GMNC: variants seen among roughly 807,000 people sequenced by gnomAD.
The protein encoded by GMNC is geminin coiled-coil domain containing.
Under a neutral mutation model 33.6 loss-of-function variants are expected in GMNC, and 16 were observed. The observed-to-expected ratio is 0.48, with a 90% CI of 0.32 to 0.72. GMNC has a LOEUF of 0.72. GMNC is among the 30% of genes least tolerant of loss of function. The probability of loss-of-function intolerance (pLI) is 0.03; values close to 1 mark genes in which losing one functional copy is unlikely to be tolerated. For missense variants in GMNC, 393 were observed against 388.9 expected (o/e 1.01, Z -0.09); for synonymous variants, 156 against 147.3 (o/e 1.06, Z -0.43).
At chr3:190,847,063 A>G in the GMNC span, among the ~76,000 whole-genome samples, 1 of 152,220 alleles carries the variant, frequency 6.6e-6, no homozygotes, top group Admixed American at 6.5e-5. Context: ...ATTCATATCT[A>G]GCAAATAAAA....
At chr3:190,850,170 C>G (rs1737611582), downstream of GMNC, among the ~76,000 whole-genome samples, 1 of 152,184 alleles carries the variant, frequency 6.6e-6, no homozygotes, top group Non-Finnish European at 1.5e-5. Context: ...TAATGAAATT[C>G]TTCAGCACCA....
chr3:190,847,289 A>T, the GMNC span, among the ~76,000 whole-genome samples: 43 of 152,224 alleles, frequency 2.8e-4, no homozygotes, highest in Non-Finnish European at 5.6e-4. Context: ...TAGTTTGTAC[A>T]ATAAATTATA....
At position 190,855,183 on chromosome 3, in the gene GMNC, G is replaced by T; in HGVS notation, c.*112C>A. 1 of 1,050,570 alleles carries T rather than the reference G, an allele frequency of 9.5e-7. No homozygotes were observed. The allele number at this position is 1,050,570 out of a possible 1,614,324, so 65.1% of individuals were successfully genotyped here. On this transcript the variant is annotated 3_prime_UTR_variant, in exon 5 of 5. Coordinates refer to ENST00000442080, the MANE Select transcript of GMNC (RefSeq NM_001146686.3). ...GTAATTGAGAGTGACATTTAAAGTG[G>T]CAGGAGACAGTCTAAGCAACAGCTT...
rs1308971332 is a variant in GMNC at position 190,861,452 on chromosome 3, TATC to T, written c.4-597_4-595del. 7.3e-4 allele frequency among the ~76,000 whole-genome samples: 104 copies of T among 142,374 alleles called. No individual in the cohort carries two copies. Among genetic ancestry groups the T allele is most frequent in the South Asian group, 1.2e-3 (5 of 4,258 alleles). The allele number at this position is 142,374 out of a possible 152,430, so 93.4% of individuals were successfully genotyped here. A position where few individuals can be genotyped will look rare whatever the true frequency, so the allele number is the denominator to read the frequency against. On this transcript the variant is annotated intron_variant, in intron 1 of 4. Transcript: ENST00000442080. The surrounding 1 kb of genome is among the most constrained non-coding windows in gnomAD (Gnocchi z 5.1). ...CTATCTGTCTGTCTGTCTGTCTGCCTATCATCTATCTATCTATCTATCTATCTA... is the reference window on the plus strand; with the variant it reads ...CTATCTGTCTGTCTGTCTGTCTGCCTATCTATCTATCTATCTATCTATCTA...
chr3:190,846,956 C>A, the GMNC span, among the ~76,000 whole-genome samples: 1 of 152,158 alleles, frequency 6.6e-6, no homozygotes, highest in Non-Finnish European at 1.5e-5. Flanking sequence ...ACTGATCTCC[C>A]TCTTCCAATG....
In GMNC at chr3:190,858,974, G is replaced by T; in HGVS notation, c.221C>A (p.Ser74Ter). The T allele has an allele frequency of 6.4e-7, 1 of 1,550,456 alleles. No individual in the cohort carries two copies. Among genetic ancestry groups the T allele is most frequent in the South Asian group, 1.2e-5 (1 of 83,988 alleles). Residue 74 changes from serine (S) to a stop codon, truncating the protein, a stop_gained, in exon 3 of 5, where the codon TCA (serine) becomes TAA (stop). Coordinates refer to ENST00000442080, the MANE Select transcript of GMNC (RefSeq NM_001146686.3). LOFTEE classifies it high-confidence loss of function. ...AGAGGAAAGCTGAGCCTCTTCCCAT[G>T]AGCACAAGTCCGGAAGAGGAAAATT... ...DSNFPLPDLCSWEEAQLSSQL... is the reference protein window; with the variant it reads ...DSNFPLPDLC
At chr3:190,851,726 A>G (rs544723921), downstream of GMNC, among the ~76,000 whole-genome samples, 1 of 152,248 alleles carries the variant, frequency 6.6e-6, no homozygotes, top group African/African-American at 2.4e-5. Flanking sequence ...TACAGAATAA[A>G]TGGGTACAGA....
intron 4 of GMNC, among the ~76,000 whole-genome samples, chr3:190,857,079 G>A (rs1577911490): frequency 6.7e-6 from 1 of 148,934 alleles, no homozygotes; most frequent in South Asian, 2.2e-4. Context: ...TAGAAGTATG[G>A]AAAAGATTGA....
chr3:190,858,108 T>C (rs913818237), intron 3 of GMNC: 10 of 557,832 alleles, frequency 1.8e-5, no homozygotes, highest in Admixed American at 3.0e-5. Flanking sequence ...TGTTCATTCA[T>C]TGCAAAGCAT....
In GMNC at chr3:190,862,393, GAGAA is replaced by G. The variant is rs1353197686; in HGVS notation, c.3+216_3+219del. 6.8e-6 allele frequency among the ~76,000 whole-genome samples: 1 copy of G among 146,950 alleles called. No individual in the cohort carries two copies. The highest frequency in any genetic ancestry group is 2.5e-5 in the African/African-American group (1 of 39,340). ...GAGAGAGGGCGAGAGAGAGAAAGGAGAGAAAGAAGAGGGAGAGAGGGAGAGAAAG... is the reference window on the plus strand; with the variant it reads ...GAGAGAGGGCGAGAGAGAGAAAGGAGAGAAGAGGGAGAGAGGGAGAGAAAG... On this transcript the variant is annotated intron_variant, in intron 1 of 4. Transcript: ENST00000442080. The surrounding 1 kb of genome is among the most constrained non-coding windows in gnomAD (Gnocchi z 4.5).
downstream of GMNC, among the ~76,000 whole-genome samples, chr3:190,852,690 A>G (rs1246041323): frequency 6.6e-6 from 1 of 152,134 alleles, no homozygotes; most frequent in Non-Finnish European, 1.5e-5. Context: ...ACATCATACA[A>G]AGAAGAGCAA....
chr3:190,847,108 T>G, the GMNC span, among the ~76,000 whole-genome samples: 1 of 152,232 alleles, frequency 6.6e-6, no homozygotes, highest in Non-Finnish European at 1.5e-5. Flanking sequence ...AAGTTGCTGC[T>G]TCCCTGGATA....
chr3:190,856,243 AT>A (rs1427735694), intron 4 of GMNC, among the ~76,000 whole-genome samples: 2 of 143,962 alleles, frequency 1.4e-5, no homozygotes, highest in Non-Finnish European at 3.0e-5. Flanking sequence ...TAATACTTAT[AT>A]TTATTTATAA....
the GMNC span, among the ~76,000 whole-genome samples, chr3:190,845,137 T>G: frequency 6.6e-6 from 1 of 152,202 alleles, no homozygotes; most frequent in Non-Finnish European, 1.5e-5. Context: ...TTTATTAACT[T>G]AAACTTCCAA....
In GMNC at chr3:190,862,362, A is replaced by AGAGAGAGAGAGAGAGAGGGCGAGAGAGAG. The variant is rs1553787646; in HGVS notation, c.3+250_3+251insCTCTCTCTCGCCCTCTCTCTCTCTCTCTC. Among the ~76,000 whole-genome samples, 2 of 147,548 alleles carry AGAGAGAGAGAGAGAGAGGGCGAGAGAGAG rather than the reference A, an allele frequency of 1.4e-5. No homozygotes were observed. Among genetic ancestry groups the AGAGAGAGAGAGAGAGAGGGCGAGAGAGAG allele is most frequent in the African/African-American group, 2.5e-5 (1 of 40,256 alleles). ...AAGTAAGGAAAGTAGTAATAACAGA[A>AGAGAGAGAGAGAGAGAGGGCGAGAGAGAG]AGAGAGAGAGAGGGCGAGAGAGAGA... On this transcript the variant is annotated intron_variant, in intron 1 of 4. Coordinates refer to ENST00000442080, the MANE Select transcript of GMNC (RefSeq NM_001146686.3). The surrounding 1 kb of genome is among the most constrained non-coding windows in gnomAD (Gnocchi z 4.5).
At chr3:190,859,161 T>A in intron 2 of GMNC, 145 bp from the exon 3 acceptor site, 1 of 586,850 alleles carries the variant, frequency 1.7e-6, no homozygotes, top group Non-Finnish European at 3.0e-6. Flanking sequence ...AACAAGACAT[T>A]TAAAGTTTTT....
rs1737841902 is a variant in GMNC, at chr3:190,860,659, A to G, written c.178+25T>C. 2.6e-6 allele frequency: 4 copies of G among 1,531,404 alleles called. No individual in the cohort carries two copies. The African/African-American group carries it at 5.5e-5, about 21-fold the overall frequency. 94.9% of individuals were successfully genotyped at this position (1,531,404 alleles called of 1,614,324 possible). A position where few individuals can be genotyped will look rare whatever the true frequency, so the allele number is the denominator to read the frequency against. ...TATGGAAAAGAGCTCCAGATCTATC[A>G]GGGAAGCAGAAGAGCAGAACTTACC... is the stretch of plus-strand genomic sequence containing the variant. On this transcript the variant is annotated intron_variant, in intron 2 of 4. Transcript: ENST00000442080.
Position 190,862,578 on chromosome 3 carries a change from G to C in GMNC, c.3+35C>G, listed in dbSNP as rs1194602216. ...TATTAACTTTCAGAGACCCAAGTTT[G>C]CCAGCGGACTAGCTAACGCCAGTTC... On this transcript the variant is annotated intron_variant, in intron 1 of 4. Coordinates refer to ENST00000442080, the MANE Select transcript of GMNC (RefSeq NM_001146686.3). This position sits in a 1 kb window ranked among gnomAD's most constrained non-coding sequence, Gnocchi z 4.5. 5.3e-6 allele frequency: 8 copies of C among 1,508,042 alleles called. No individual in the cohort carries two copies. The Admixed American group carries it at 9.8e-5, about 18-fold the overall frequency. The allele number at this position is 1,508,042 out of a possible 1,614,324, so 93.4% of individuals were successfully genotyped here. A position where few individuals can be genotyped will look rare whatever the true frequency, so the allele number is the denominator to read the frequency against.
rs1168811874 is a variant in GMNC at position 190,855,172 on chromosome 3, C to T, written c.*123G>A. On this transcript the variant is annotated 3_prime_UTR_variant, in exon 5 of 5. Coordinates refer to ENST00000442080, the MANE Select transcript of GMNC (RefSeq NM_001146686.3). ...GATTTAAGTGGGTAATTGAGAGTGA[C>T]ATTTAAAGTGGCAGGAGACAGTCTA... 1 of 947,534 alleles carries T rather than the reference C, an allele frequency of 1.1e-6. No homozygotes were observed. The highest frequency in any genetic ancestry group is 1.5e-6 in the Non-Finnish European group (1 of 646,634). The allele number at this position is 947,534 out of a possible 1,614,324, so 58.7% of individuals were successfully genotyped here. A position where few individuals can be genotyped will look rare whatever the true frequency, so the allele number is the denominator to read the frequency against.
Sources: gnomAD v4.1 joint callset for allele counts (sites outside exome capture counted in the v4.1 genomes callset) on GRCh38, gnomAD v4.1.1 for gene constraint, Gnocchi (gnomAD v3.1) non-coding constraint, MANE v1.5 for transcripts, NCBI Gene and HGNC (gene_info 2026-07-23, HGNC 2026-07-21) for gene names.